RAB40C: variants seen among roughly 807,000 people sequenced by gnomAD.
RAB40C encodes ras-related protein Rab-40C.
RAB40C carries 8 observed loss-of-function variants against 28.1 expected under a neutral mutation model. The observed-to-expected ratio is 0.28, with a 90% CI of 0.17 to 0.51. RAB40C has a LOEUF of 0.51. Ranked by LOEUF, RAB40C falls within the 20% of genes least tolerant of loss-of-function variation. The pLI, the probability that RAB40C is intolerant of heterozygous loss-of-function variation, is 0.97. For missense variants in RAB40C, 288 were observed against 405.9 expected (o/e 0.71, Z 2.50); for synonymous variants, 201 against 171.7 (o/e 1.17, Z -1.34).
chr16:615,690 G>A (rs1004036376), intron 1 of RAB40C, among the ~76,000 whole-genome samples: 1 of 152,194 alleles, frequency 6.6e-6, no homozygotes, highest in African/African-American at 2.4e-5. Context: ...GGCCGGGCAC[G>A]GTGGCTCACA....
intron 1 of RAB40C, among the ~76,000 whole-genome samples, chr16:593,721 G>C (rs1240505221): frequency 6.6e-6 from 1 of 152,224 alleles, no homozygotes; most frequent in Non-Finnish European, 1.5e-5. Context: ...AGCACCTGTG[G>C]GAGCCCCTGT....
intron 1 of RAB40C, among the ~76,000 whole-genome samples, chr16:600,480 C>T (rs552401200): frequency 3.3e-5 from 5 of 152,216 alleles, no homozygotes; most frequent in African/African-American, 7.2e-5. Context: ...CGGATGGGCA[C>T]GGTGGCTCAC....
At chr16:590,575 C>A in intron 1 of RAB40C, 142 bp downstream of exon 1, 2 of 1,146,298 alleles carry the variant, frequency 1.7e-6, no homozygotes, top group Non-Finnish European at 2.3e-6. Context: ...GACTCGGTAG[C>A]TCGGTGGCTG....
rs2036467614 is a variant in RAB40C at position 610,800 on chromosome 16, G to A, written c.143-6408G>A. Among the ~76,000 whole-genome samples, 1 of 148,922 alleles carries A rather than the reference G, an allele frequency of 6.7e-6. No homozygotes were observed. Among genetic ancestry groups the A allele is most frequent in the African/African-American group, 2.5e-5 (1 of 40,776 alleles). ...CTGCCTGGATAATTGAGACCTTCCA[G>A]GCCAAGGGCCCCCTCCCCAGGATCC... On this transcript the variant is annotated intron_variant, in intron 1 of 5. Transcript: ENST00000248139. This position sits in a 1 kb window ranked among gnomAD's most constrained non-coding sequence, Gnocchi z 4.6.
At chr16:601,815 T>TAAAAAAAAAAAAAAAAAAAAAAAAAG (rs2036255633) in intron 1 of RAB40C, among the ~76,000 whole-genome samples, 1 of 27,198 alleles carries the variant, frequency 3.7e-5, no homozygotes, top group Non-Finnish European at 7.1e-5. Context: ...CAAAAAAAAG[T>TAAAAAAAAAAAAAAAAAAAAAAAAAG]AAAAAAAAAA....
At chr16:609,311 G>A (rs569383095) in intron 1 of RAB40C, among the ~76,000 whole-genome samples, 68 of 152,170 alleles carry the variant, frequency 4.5e-4, no homozygotes, top group African/African-American at 1.6e-3. Flanking sequence ...AAATTGAGTC[G>A]TGGACAGCAG....
At chr16:616,134 G>A (rs996984303) in intron 1 of RAB40C, among the ~76,000 whole-genome samples, 5 of 151,368 alleles carry the variant, frequency 3.3e-5, no homozygotes, top group Non-Finnish European at 7.4e-5. Flanking sequence ...GCGGGCGCCT[G>A]TAGTTCAGCT....
Position 626,035 on chromosome 16 carries a change from A to G in RAB40C, c.479A>G (p.Asn160Ser), listed in dbSNP as rs2036822808. Reference protein sequence around the residue: ...MTFFEVSPLCNFNVIESFTEL... With the variant: ...MTFFEVSPLCSFNVIESFTEL... ...TTCTTTGAGGTCAGCCCCCTGTGCA[A>G]CTTCAACGTCATCGAGTCCTTCACG... The change falls in exon 5 of 6, where the codon AAC becomes AGC. Residue 160 changes from asparagine to serine, a missense_variant. Around this residue, in one of 3 missense-constraint regions of RAB40C, gnomAD observed 153 missense variants for 262.4 expected, o/e 0.58. Coordinates refer to ENST00000248139, the MANE Select transcript of RAB40C (RefSeq NM_021168.5). 6.2e-7 allele frequency: 1 copy of G among 1,613,308 alleles called. No homozygotes were observed. Among genetic ancestry groups the G allele is most frequent in the Non-Finnish European group, 8.5e-7 (1 of 1,180,000 alleles).
chr16:590,457 G>T, intron 1 of RAB40C, 24 bp downstream of exon 1: 4 of 1,545,358 alleles, frequency 2.6e-6, no homozygotes, highest in Non-Finnish European at 3.5e-6. Flanking sequence ...CGCGGCGCGC[G>T]CTGCTACGCG....
upstream of RAB40C, chr16:589,623 A>T (rs2035945500): frequency 6.6e-6 from 1 of 152,200 alleles, no homozygotes; most frequent in African/African-American, 2.4e-5. Flanking sequence ...GGGGCGGGCG[A>T]GGACAACGGC....
rs766733866 is a variant in RAB40C, at chr16:625,939, T to C, written c.383T>C (p.Leu128Pro). 1 of 1,613,244 alleles carries C rather than the reference T, an allele frequency of 6.2e-7. No individual in the cohort carries two copies. The highest frequency in any genetic ancestry group is 1.1e-5 in the South Asian group (1 of 91,082). Residue 128 changes from leucine (L) to proline (P), a missense_variant, in exon 5 of 6, where the codon CTG (leucine) becomes CCG (proline). Leu to Pro is a moderately conservative substitution (Grantham distance 98). Around this residue, in one of 3 missense-constraint regions of RAB40C, gnomAD observed 153 missense variants for 262.4 expected, o/e 0.58. Transcript: ENST00000248139. Reference protein sequence around the residue: ...GVPRILVGNRLHLAFKRQVPT... With the variant: ...GVPRILVGNRPHLAFKRQVPT... ...CCCCGGATCTTGGTTGGAAACCGGC[T>C]GCACCTGGCCTTCAAGCGGCAGGTC... is the stretch of plus-strand genomic sequence containing the variant.
chr16:606,735 C>T (rs1255196978), intron 1 of RAB40C, among the ~76,000 whole-genome samples: 1 of 152,266 alleles, frequency 6.6e-6, no homozygotes, highest in Non-Finnish European at 1.5e-5. Flanking sequence ...CCTTGCCCAT[C>T]TGCAGAGCCA....
At position 590,381 on chromosome 16, in the gene RAB40C, C is replaced by G. The variant is rs1233524288; in HGVS notation, c.90C>G (p.Ile30Met). 2.5e-6 allele frequency: 4 copies of G among 1,596,920 alleles called. No homozygotes were observed. Among genetic ancestry groups the G allele is most frequent in the Non-Finnish European group, 3.4e-6 (4 of 1,173,450 alleles). Reference protein sequence around the residue: ...VGDSDVGKGEILESLQDGAAE... With the variant: ...VGDSDVGKGEMLESLQDGAAE... ...ACAGCGACGTGGGCAAGGGCGAGAT[C>G]CTGGAGAGCCTGCAGGACGGCGCGG... Residue 30 changes from isoleucine (I) to methionine (M), a missense_variant, in exon 1 of 6, where the codon ATC (isoleucine) becomes ATG (methionine). Ile to Met is a conservative substitution (Grantham distance 10, BLOSUM62 1). Around this residue, in one of 3 missense-constraint regions of RAB40C, gnomAD observed 78 missense variants for 88.2 expected, o/e 0.88. Transcript: ENST00000248139.
At chr16:595,489 C>T (rs942644954) in intron 1 of RAB40C, among the ~76,000 whole-genome samples, 1 of 152,194 alleles carries the variant, frequency 6.6e-6, no homozygotes, top group African/African-American at 2.4e-5. Flanking sequence ...ACTAAGTTCT[C>T]CTGAGACCCA....
chr16:606,552 G>A (rs950157770), intron 1 of RAB40C, among the ~76,000 whole-genome samples: 1 of 152,236 alleles, frequency 6.6e-6, no homozygotes, highest in Non-Finnish European at 1.5e-5. Context: ...TGAAGTCAAG[G>A]TGTTGGCCAG....
intron 1 of RAB40C, among the ~76,000 whole-genome samples, chr16:594,449 T>TA (rs1189685953): frequency 3.3e-5 from 5 of 152,174 alleles, no homozygotes; most frequent in African/African-American, 9.7e-5. Flanking sequence ...CTGCCTGCTG[T>TA]ACCCATGGGA....
chr16:604,351 G>C (rs2036316549), intron 1 of RAB40C, among the ~76,000 whole-genome samples: 1 of 152,172 alleles, frequency 6.6e-6, no homozygotes, highest in African/African-American at 2.4e-5. Flanking sequence ...ATACGCACGA[G>C]GCCTTCTGAA....
chr16:596,284 C>T (rs578061115), intron 1 of RAB40C: 85 of 456,030 alleles, frequency 1.9e-4, no homozygotes, highest in South Asian at 1.1e-3. Context: ...TCTGGGTCCT[C>T]GCAGGTACTT....
chr16:621,438 G>T (rs1301016007), intron 3 of RAB40C, among the ~76,000 whole-genome samples: 1 of 152,236 alleles, frequency 6.6e-6, no homozygotes, highest in Non-Finnish European at 1.5e-5. Context: ...GGCCTGGAAG[G>T]TCCCCGCGGC....
Sources: allele counts gnomAD v4.1 joint callset (sites outside exome capture counted in the v4.1 genomes callset), GRCh38; gene constraint gnomAD v4.1.1; regional missense constraint gnomAD v4.1.1; non-coding constraint Gnocchi (gnomAD v3.1); transcripts MANE v1.5; gene names NCBI Gene and HGNC (gene_info 2026-07-23, HGNC 2026-07-21).